Variants in TTC34 observed in about 807,000 individuals in gnomAD.
TTC34 encodes the protein tetratricopeptide repeat domain 34.
A neutral mutation model predicts 40.7 loss-of-function variants in TTC34; 44 were observed. The observed-to-expected ratio is 1.08, with a 90% CI of 0.85 to 1.39. TTC34 has a LOEUF of 1.39. Among genes scored for constraint, TTC34 ranks in the 40% most tolerant of loss-of-function variants. The pLI is 0.00. For missense variants in TTC34, 884 were observed against 838.0 expected, an observed-to-expected ratio of 1.05 and a Z score of -0.68; for synonymous variants, 422 against 398.6, an observed-to-expected ratio of 1.06 and a Z score of -0.70.
chr1:2,771,630 A>G (rs1642170694), intron 6 of TTC34, among the ~76,000 whole-genome samples: 1 of 65,614 alleles, frequency 1.5e-5, no homozygotes, highest in Non-Finnish European at 2.6e-5. Context: ...GACAGCCTGG[A>G]GCAGTGCCCA....
chr1:2,801,460 C>T (rs76031446), intron 1 of TTC34, 117 bp downstream of exon 1: 5,543 of 152,434 alleles, frequency 0.036, 144 homozygotes, highest in Non-Finnish European at 0.053. Flanking sequence ...CTGGTACTCC[C>T]CTATTCCCTG....
exon 2 of TTC34, chr1:2,800,780 C>T (rs1303379444): frequency 1.0e-5 from 4 of 398,762 alleles, no homozygotes; most frequent in Non-Finnish European, 1.8e-5. Context: ...CCAGATGCTG[C>T]TCCCCCTCCC....
intron 4 of TTC34, among the ~76,000 whole-genome samples, chr1:2,786,546 G>A (rs1218533781): frequency 6.6e-6 from 1 of 152,176 alleles, no homozygotes; most frequent in Non-Finnish European, 1.5e-5. Context: ...GGACTCTCAG[G>A]GTTCCCGAGC....
chr1:2,749,616 A>G (rs1454242538), intron 6 of TTC34, among the ~76,000 whole-genome samples: 2 of 106,402 alleles, frequency 1.9e-5, no homozygotes, highest in Admixed American at 9.3e-5. Flanking sequence ...CCAGGTGTGC[A>G]TGTGATGGTC....
At chr1:2,689,998 GCC>G (rs1640542144) in intron 6 of TTC34, among the ~76,000 whole-genome samples, 1 of 138,058 alleles carries the variant, frequency 7.2e-6, no homozygotes, top group Admixed American at 7.2e-5. Context: ...GCATCTGACA[GCC>G]TGGAACAGCA....
chr1:2,653,411 C>A (rs796656077), intron 6 of TTC34, among the ~76,000 whole-genome samples: 11 of 13,526 alleles, frequency 8.1e-4, no homozygotes, highest in South Asian at 4.1e-3. Flanking sequence ...CCCACACCCC[C>A]AGGTGAGCAT....
chr1:2,782,038 G>A (rs1643491784), intron 6 of TTC34, among the ~76,000 whole-genome samples: 1 of 152,182 alleles, frequency 6.6e-6, no homozygotes, highest in Non-Finnish European at 1.5e-5. Flanking sequence ...CTGAGGAAGT[G>A]TTCCTTCCTC....
In TTC34 at chr1:2,687,165, A is replaced by T. The variant is rs61765677; in HGVS notation, c.2227-41602T>A. ...TGACAGCCTGGAACAGTACCCACAC[A>T]CACAGGCGAGCATCTGAACCCACGG... On this transcript the variant is annotated intron_variant, in intron 6 of 8. Coordinates refer to ENST00000401095, the Ensembl canonical transcript of TTC34. Among the ~76,000 whole-genome samples, 834 of 87,810 alleles carry T rather than the reference A, an allele frequency of 9.5e-3. 102 individuals carry two copies. Among genetic ancestry groups the T allele is most frequent in the African/African-American group, 0.047 (786 of 16,828 alleles). 57.6% of individuals were successfully genotyped at this position (87,810 alleles called of 152,430 possible).
chr1:2,683,186 C>T (rs1570803442), intron 6 of TTC34, among the ~76,000 whole-genome samples: 1 of 142,442 alleles, frequency 7.0e-6, no homozygotes, highest in South Asian at 2.2e-4. Context: ...GAGCGGAACC[C>T]ACGGCCACAG....
At chr1:2,774,048 AC>A (rs1156609865) in intron 6 of TTC34, 1 of 148,120 alleles carries the variant, frequency 6.8e-6, no homozygotes, top group Non-Finnish European at 1.5e-5. Context: ...ACAGCATGGA[AC>A]AAGACTACTG....
At chr1:2,752,432 C>A (rs1641351839) in intron 6 of TTC34, among the ~76,000 whole-genome samples, 1 of 147,222 alleles carries the variant, frequency 6.8e-6, no homozygotes. Context: ...CATCTGACAG[C>A]CTGGAACAGC....
At chr1:2,650,379 T>C (rs1050130046) in intron 6 of TTC34, among the ~76,000 whole-genome samples, 19 of 131,140 alleles carry the variant, frequency 1.4e-4, no homozygotes, top group South Asian at 5.3e-4. Flanking sequence ...GCACTCTACA[T>C]CCCCAGGTGA....
At chr1:2,792,739 G>T (rs933599747) in intron 2 of TTC34, among the ~76,000 whole-genome samples, 3 of 152,102 alleles carry the variant, frequency 2.0e-5, no homozygotes, top group Non-Finnish European at 4.4e-5. Flanking sequence ...CCCCTCTGTG[G>T]CTCCCTCCTT....
chr1:2,781,576 A>T (rs1291867748), intron 6 of TTC34, among the ~76,000 whole-genome samples: 1 of 152,202 alleles, frequency 6.6e-6, no homozygotes, highest in Non-Finnish European at 1.5e-5. Context: ...TAGAAGTGCA[A>T]AAGCAATCAT....
At chr1:2,785,821 G>A in exon 5 of TTC34, 1 of 1,543,608 alleles carries the variant, frequency 6.5e-7, no homozygotes, top group Non-Finnish European at 8.7e-7. Flanking sequence ...GCTCCTACCT[G>A]CGGCAAAGAT....
rs1641288145 is a variant in TTC34, at chr1:2,750,674, C to G, written c.2226+32935G>C. The stretch of plus-strand genomic sequence containing the variant: ...CAGGTGAGCATCTGACAGCCTGGAA[C>G]AGCACCCTGCACCCCCAAGTGAGCA... On this transcript the variant is annotated intron_variant, in intron 6 of 8. Coordinates refer to ENST00000401095, the Ensembl canonical transcript of TTC34. Among the ~76,000 whole-genome samples, 11 of 134,728 alleles carry G rather than the reference C, an allele frequency of 8.2e-5. No individual in the cohort carries two copies. The East Asian group carries it at 9.1e-4, about 11-fold the overall frequency. The allele number at this position is 134,728 out of a possible 152,430, so 88.4% of individuals were successfully genotyped here.
chr1:2,651,879 C>T (rs969188717), intron 6 of TTC34, among the ~76,000 whole-genome samples: 1 of 152,092 alleles, frequency 6.6e-6, no homozygotes, highest in Non-Finnish European at 1.5e-5. Flanking sequence ...AACAACAACT[C>T]ACGATTTTGG....
At chr1:2,643,331 T>A (rs925989059) in intron 8 of TTC34, among the ~76,000 whole-genome samples, 1 of 152,206 alleles carries the variant, frequency 6.6e-6, no homozygotes, top group Non-Finnish European at 1.5e-5. Context: ...GATTCTTGCC[T>A]GTGCCGGGAG....
chr1:2,761,171 T>G (rs1383621536), intron 6 of TTC34, among the ~76,000 whole-genome samples: 1 of 32,802 alleles, frequency 3.0e-5, no homozygotes. Flanking sequence ...CCCCCCAGGG[T>G]GAGCATCTGA....
Sources: allele counts gnomAD v4.1 joint callset (sites outside exome capture counted in the v4.1 genomes callset), GRCh38; gene constraint gnomAD v4.1.1; transcripts MANE v1.5; gene names NCBI Gene and HGNC (gene_info 2026-07-23, HGNC 2026-07-21).